Variants in CTNND2 observed in about 807,000 individuals in gnomAD.
The protein encoded by CTNND2 is catenin delta-2.
A neutral mutation model predicts 144.4 loss-of-function variants in CTNND2; 22 were observed. The ratio of observed to expected loss-of-function variants is 0.15; its 90% CI spans 0.11 to 0.22. The LOEUF (loss-of-function observed/expected upper bound fraction) is 0.22. CTNND2 is among the 10% of genes least tolerant of loss of function. The probability of loss-of-function intolerance (pLI) is 1.00; values close to 1 mark genes in which losing one functional copy is unlikely to be tolerated. For missense variants in CTNND2, 1,353 were observed against 1,618.8 expected (o/e 0.84, Z 2.82); for synonymous variants, 751 against 695.6 (o/e 1.08, Z -1.25).
intron 2 of CTNND2, among the ~76,000 whole-genome samples, chr5:11,640,487 G>A (rs1217624632): frequency 6.6e-6 from 1 of 152,122 alleles, no homozygotes; most frequent in African/African-American, 2.4e-5. Flanking sequence ...TCTATAAATA[G>A]GTATGTTACA....
At chr5:11,075,212 T>C (rs1748812419) in intron 16 of CTNND2, among the ~76,000 whole-genome samples, 1 of 152,136 alleles carries the variant, frequency 6.6e-6, no homozygotes. Context: ...AGATTCCCCC[T>C]AGGAAATGGC....
intron 9 of CTNND2, among the ~76,000 whole-genome samples, chr5:11,335,336 A>G (rs1753633020): frequency 6.6e-6 from 1 of 152,234 alleles, no homozygotes; most frequent in Non-Finnish European, 1.5e-5. Flanking sequence ...TCATTAGTTA[A>G]ACACTGACAG....
At chr5:11,467,934 TA>T (rs1182738187) in intron 3 of CTNND2, among the ~76,000 whole-genome samples, 1 of 152,340 alleles carries the variant, frequency 6.6e-6, no homozygotes, top group Non-Finnish European at 1.5e-5. Context: ...AATAATAGGA[TA>T]AAAAATATGC....
chr5:11,583,902 C>T (rs1581556687), intron 2 of CTNND2, among the ~76,000 whole-genome samples: 1 of 152,184 alleles, frequency 6.6e-6, no homozygotes, highest in Admixed American at 6.5e-5. Flanking sequence ...CTCAGGGTTA[C>T]GTCTGATTCT....
intron 11 of CTNND2, among the ~76,000 whole-genome samples, chr5:11,194,860 A>G (rs1309363452): frequency 6.6e-6 from 1 of 152,218 alleles, no homozygotes; most frequent in Non-Finnish European, 1.5e-5. Flanking sequence ...AATTCTTAGA[A>G]TTTTTCTTTT....
At chr5:11,274,770 G>A (rs898306297) in intron 9 of CTNND2, among the ~76,000 whole-genome samples, 7 of 151,962 alleles carry the variant, frequency 4.6e-5, no homozygotes, top group Non-Finnish European at 1.0e-4. Flanking sequence ...TTTAATCTAA[G>A]CAAAGGTTTA....
chr5:11,508,313 G>A (rs372816462), intron 3 of CTNND2: 1 of 152,322 alleles, frequency 6.6e-6, no homozygotes, highest in Non-Finnish European at 1.5e-5. Context: ...TCAGGCTGAT[G>A]TGGGATCTGA....
intron 2 of CTNND2, among the ~76,000 whole-genome samples, chr5:11,707,193 T>C (rs560056596): frequency 6.6e-6 from 1 of 151,950 alleles, no homozygotes; most frequent in Non-Finnish European, 1.5e-5. Context: ...AATTGTTATA[T>C]GTATCAGTAA....
intron 2 of CTNND2, among the ~76,000 whole-genome samples, chr5:11,650,603 A>T (rs1278568947): frequency 6.6e-6 from 1 of 152,170 alleles, no homozygotes; most frequent in African/African-American, 2.4e-5. Context: ...GACCAAAATG[A>T]TGATAGTGAT....
At chr5:11,267,599 T>C (rs917095672) in intron 9 of CTNND2, among the ~76,000 whole-genome samples, 4 of 152,206 alleles carry the variant, frequency 2.6e-5, no homozygotes, top group East Asian at 1.9e-4. Flanking sequence ...ACCAATCTAT[T>C]TGCCCAGCCC....
At chr5:11,550,238 A>AT (rs1240663449) in intron 3 of CTNND2, among the ~76,000 whole-genome samples, 1 of 152,210 alleles carries the variant, frequency 6.6e-6, no homozygotes, top group African/African-American at 2.4e-5. Flanking sequence ...CAGAGCTGAG[A>AT]TTCAAATCTC....
chr5:11,122,638 C>T (rs1754259715), intron 12 of CTNND2, among the ~76,000 whole-genome samples: 1 of 152,046 alleles, frequency 6.6e-6, no homozygotes, highest in African/African-American at 2.4e-5. Flanking sequence ...TGAGCTCCTA[C>T]ATCTCATCTT....
chr5:10,983,634 T>C (rs527577799), intron 20 of CTNND2, among the ~76,000 whole-genome samples: 1 of 152,322 alleles, frequency 6.6e-6, no homozygotes, highest in African/African-American at 2.4e-5. Flanking sequence ...CTCTGTATTA[T>C]GGTGCAAACC....
At chr5:11,753,506 T>G (rs575811178) in intron 1 of CTNND2, among the ~76,000 whole-genome samples, 1 of 151,834 alleles carries the variant, frequency 6.6e-6, no homozygotes, top group Non-Finnish European at 1.5e-5. Flanking sequence ...CAAACCTGCA[T>G]CCAGGAATAA....
intron 3 of CTNND2, among the ~76,000 whole-genome samples, chr5:11,442,290 C>T (rs994403827): frequency 6.6e-6 from 1 of 152,078 alleles, no homozygotes; most frequent in Non-Finnish European, 1.5e-5. Context: ...TAAAATAGTA[C>T]ATAGATACAG....
intron 1 of CTNND2, among the ~76,000 whole-genome samples, 154 bp from the exon 2 acceptor site, chr5:11,732,426 T>C (rs143497506): frequency 2.0e-5 from 3 of 152,152 alleles, no homozygotes; most frequent in Non-Finnish European, 4.4e-5. Flanking sequence ...AGTAATACAG[T>C]AAAGTAAAGT....
chr5:11,347,093 GA>G (rs1431859485), intron 8 of CTNND2, among the ~76,000 whole-genome samples: 7 of 152,278 alleles, frequency 4.6e-5, no homozygotes, highest in East Asian at 3.9e-4. Context: ...TTGAATCAAA[GA>G]AAATAAGAAG....
chr5:11,567,670 T>C (rs969462679), intron 2 of CTNND2, among the ~76,000 whole-genome samples: 1 of 152,362 alleles, frequency 6.6e-6, no homozygotes, highest in East Asian at 1.9e-4. Context: ...GAATCAAACA[T>C]CTCTAAAAAT....
chr5:11,236,995 C>A (rs1464091870), intron 9 of CTNND2, among the ~76,000 whole-genome samples, 172 bp from the exon 10 acceptor site: 1 of 151,816 alleles, frequency 6.6e-6, no homozygotes, highest in Non-Finnish European at 1.5e-5. Context: ...GAAGAGATTC[C>A]CTTGAGTAAA....
Sources: allele counts gnomAD v4.1 joint callset (sites outside exome capture counted in the v4.1 genomes callset), GRCh38; gene constraint gnomAD v4.1.1; transcripts MANE v1.5; gene names NCBI Gene and HGNC (gene_info 2026-07-23, HGNC 2026-07-21).